Variants in DACH1 observed in about 807,000 individuals in gnomAD.
The protein encoded by DACH1 is dachshund family transcription factor 1.
A neutral mutation model predicts 54.2 loss-of-function variants in DACH1; 12 were observed. The ratio of observed to expected loss-of-function variants is 0.22; its 90% confidence interval spans 0.14 to 0.36. The LOEUF (loss-of-function observed/expected upper bound fraction) is 0.36. Among genes scored for constraint, DACH1 ranks in the 10% least tolerant of loss-of-function variants. DACH1 has a pLI of 1.00. For synonymous variants in DACH1, 386 were observed against 366.2 expected, an observed-to-expected ratio of 1.05 and a Z score of -0.62; for missense variants, 805 against 929.8, an observed-to-expected ratio of 0.87 and a Z score of 1.75.
At chr13:71,647,713 T>G (rs1242827521) in intron 2 of DACH1, among the ~76,000 whole-genome samples, 1 of 152,062 alleles carries the variant, frequency 6.6e-6, no homozygotes, top group Non-Finnish European at 1.5e-5. Context: ...TGAATCAAGT[T>G]AGGATTCTGT....
At chr13:71,642,895 C>A (rs974431713) in intron 2 of DACH1, among the ~76,000 whole-genome samples, 1 of 151,790 alleles carries the variant, frequency 6.6e-6, no homozygotes, top group African/African-American at 2.4e-5. Context: ...CATAGTGGCA[C>A]GTGCCTGTAA....
chr13:71,752,394 C>T (rs1884966346), intron 1 of DACH1, among the ~76,000 whole-genome samples: 1 of 151,996 alleles, frequency 6.6e-6, no homozygotes, highest in African/African-American at 2.4e-5. Flanking sequence ...AAAATAGTAA[C>T]CTAGTTTGAT....
At chr13:71,864,914 C>T (rs1874620152) in intron 1 of DACH1, among the ~76,000 whole-genome samples, 1 of 152,126 alleles carries the variant, frequency 6.6e-6, no homozygotes, top group African/African-American at 2.4e-5. Flanking sequence ...TGTGCACCTG[C>T]TCGCTGCTTA....
chr13:71,726,553 A>T (rs1220035505), intron 1 of DACH1, among the ~76,000 whole-genome samples: 1 of 152,074 alleles, frequency 6.6e-6, no homozygotes, highest in African/African-American at 2.4e-5. Flanking sequence ...GGCAATGAAA[A>T]ATCTATATTT....
At chr13:71,618,610 C>T (rs769246011) in intron 3 of DACH1, among the ~76,000 whole-genome samples, 1 of 151,694 alleles carries the variant, frequency 6.6e-6, no homozygotes, top group Non-Finnish European at 1.5e-5. Flanking sequence ...CTAAAATCCA[C>T]ACTACAGCAG....
At chr13:71,492,516 T>G (rs1879063473) in intron 6 of DACH1, among the ~76,000 whole-genome samples, 1 of 152,130 alleles carries the variant, frequency 6.6e-6, no homozygotes, top group African/African-American at 2.4e-5. Context: ...AAATGGCCCT[T>G]GGAAGGAGCT....
At chr13:71,851,930 A>G (rs1431818910) in intron 1 of DACH1, among the ~76,000 whole-genome samples, 1 of 152,172 alleles carries the variant, frequency 6.6e-6, no homozygotes, top group Non-Finnish European at 1.5e-5. Flanking sequence ...AGTCATTCTC[A>G]GTGGGCTTCT....
In DACH1 at chr13:71,531,570, A is replaced by AT. The variant is rs534313140; in HGVS notation, c.1570+25453dup. 2.2e-4 allele frequency among the ~76,000 whole-genome samples: 33 copies of AT among 151,986 alleles called. No homozygotes were observed. In the East Asian group the frequency reaches 5.6e-3, roughly 26 times the overall value. On this transcript the variant is annotated intron_variant, in intron 6 of 10. Transcript: ENST00000613252. ...TTTAATTTGCATAATGAGCTTATCA[A>AT]TTTTTTTTAATGAACTCAGAAATAG... is the stretch of plus-strand genomic sequence containing the variant.
intron 4 of DACH1, among the ~76,000 whole-genome samples, chr13:71,563,508 T>A (rs920629491): frequency 1.3e-5 from 2 of 151,946 alleles, no homozygotes; most frequent in African/African-American, 2.4e-5. Flanking sequence ...AATTCCTTGT[T>A]TATTTTAACA....
At chr13:71,545,434 T>A (rs1159274351) in intron 6 of DACH1, among the ~76,000 whole-genome samples, 3 of 152,038 alleles carry the variant, frequency 2.0e-5, no homozygotes, top group African/African-American at 7.2e-5. Context: ...AAGCATTATA[T>A]ACTTATTTTC....
At chr13:71,797,603 G>A (rs1887110109) in intron 1 of DACH1, among the ~76,000 whole-genome samples, 2 of 152,110 alleles carry the variant, frequency 1.3e-5, no homozygotes, top group South Asian at 4.1e-4. Context: ...CCATTTGGTA[G>A]CACAGGAACA....
chr13:71,481,468 A>T (rs1479144916), intron 7 of DACH1, among the ~76,000 whole-genome samples: 1 of 152,208 alleles, frequency 6.6e-6, no homozygotes. Flanking sequence ...GAGAGCATTT[A>T]TGTTTACTGT....
intron 3 of DACH1, among the ~76,000 whole-genome samples, chr13:71,603,593 G>A (rs922696613): frequency 6.6e-6 from 1 of 151,884 alleles, no homozygotes; most frequent in Non-Finnish European, 1.5e-5. Flanking sequence ...ATATTCAGAG[G>A]TGTATAACTT....
At chr13:71,765,691 T>C (rs759633655) in intron 1 of DACH1, among the ~76,000 whole-genome samples, 1 of 152,114 alleles carries the variant, frequency 6.6e-6, no homozygotes, top group Non-Finnish European at 1.5e-5. Context: ...TGAAATGTCT[T>C]CATACACTAT....
intron 6 of DACH1, among the ~76,000 whole-genome samples, chr13:71,504,016 G>C (rs1880123638): frequency 6.6e-6 from 1 of 152,074 alleles, no homozygotes; most frequent in Admixed American, 6.6e-5. Context: ...CTGCTATTTT[G>C]CAACTCTCAG....
At chr13:71,716,113 G>A (rs542638425) in intron 1 of DACH1, among the ~76,000 whole-genome samples, 2 of 151,934 alleles carry the variant, frequency 1.3e-5, no homozygotes, top group Non-Finnish European at 2.9e-5. Flanking sequence ...CCAGAGCCCA[G>A]AGAGTCTTCC....
intron 3 of DACH1, among the ~76,000 whole-genome samples, chr13:71,582,451 A>T (rs1217152961): frequency 2.0e-5 from 3 of 152,196 alleles, no homozygotes; most frequent in Non-Finnish European, 4.4e-5. Flanking sequence ...TATTTAAGGT[A>T]GACAGCCTAA....
At chr13:71,748,964 C>CTTTCTTTCTTTCTTTCTTTCTTTCTT (rs1310558749) in intron 1 of DACH1, among the ~76,000 whole-genome samples, 1 of 25,596 alleles carries the variant, frequency 3.9e-5, no homozygotes, top group East Asian at 5.2e-4. Flanking sequence ...CTCTTTCTTT[C>CTTTCTTTCTTTCTTTCTTTCTTTCTT]TCTCTCTCTC....
intron 1 of DACH1, among the ~76,000 whole-genome samples, chr13:71,826,532 C>T (rs971214482): frequency 6.6e-6 from 1 of 152,012 alleles, no homozygotes; most frequent in African/African-American, 2.4e-5. Context: ...CTCCCATTCC[C>T]CTACTTGTCC....
Sources: gnomAD v4.1 joint callset for allele counts (sites outside exome capture counted in the v4.1 genomes callset) on GRCh38, gnomAD v4.1.1 for gene constraint, MANE v1.5 for transcripts, NCBI Gene and HGNC (gene_info 2026-07-23, HGNC 2026-07-21) for gene names.